Variants in CSMD1 observed in about 807,000 individuals in gnomAD.
The protein encoded by CSMD1 is CUB and sushi domain-containing protein 1.
Under a neutral mutation model 417.5 loss-of-function variants are expected in CSMD1, and 213 were observed. That is an observed-to-expected ratio of 0.51 (90% CI 0.46 to 0.57). The LOEUF (loss-of-function observed/expected upper bound fraction) is 0.57, where lower values mean the gene tolerates loss of function less well. CSMD1 is among the 20% of genes least tolerant of loss of function. CSMD1 has a pLI of 0.00. For synonymous variants in CSMD1, 2,862 were observed against 1,736.8 expected, an observed-to-expected ratio of 1.65 and a Z score of -16.11; for missense variants, 6,923 against 4,529.7, an observed-to-expected ratio of 1.53 and a Z score of -15.17.
intron 2 of CSMD1, among the ~76,000 whole-genome samples, chr8:4,628,560 T>A (rs186331648): frequency 1.3e-5 from 2 of 151,226 alleles, no homozygotes; most frequent in South Asian, 4.2e-4. Context: ...ACAGATGTAA[T>A]TCAGTGTAAG....
chr8:3,971,709 T>G (rs958882867), intron 5 of CSMD1, among the ~76,000 whole-genome samples: 1 of 152,298 alleles, frequency 6.6e-6, no homozygotes, highest in Middle Eastern at 3.4e-3. Context: ...TACGAGCCTC[T>G]TCCAGTGAGT....
chr8:4,823,377 G>GA (rs1023749594), intron 1 of CSMD1, among the ~76,000 whole-genome samples: 4 of 151,716 alleles, frequency 2.6e-5, no homozygotes, highest in Admixed American at 6.6e-5. Flanking sequence ...GTATGACTTT[G>GA]AAAAAAAATC....
chr8:4,325,354 A>G (rs1799501114), intron 3 of CSMD1, among the ~76,000 whole-genome samples: 1 of 152,110 alleles, frequency 6.6e-6, no homozygotes, highest in African/African-American at 2.4e-5. Flanking sequence ...TTGTCTAGGA[A>G]GTCTTAGATA....
At chr8:4,718,163 G>A (rs765587040) in intron 1 of CSMD1, among the ~76,000 whole-genome samples, 1 of 152,040 alleles carries the variant, frequency 6.6e-6, no homozygotes, top group African/African-American at 2.4e-5. Context: ...TTTTTGTACA[G>A]ACAGGGTCTA....
intron 3 of CSMD1, among the ~76,000 whole-genome samples, chr8:4,334,253 G>A (rs562220063): frequency 4.6e-5 from 7 of 152,048 alleles, no homozygotes; most frequent in African/African-American, 1.2e-4. Flanking sequence ...TGTATGATAA[G>A]GTGCTTAAAA....
chr8:4,466,979 C>G (rs889171348), intron 2 of CSMD1, among the ~76,000 whole-genome samples: 1 of 151,928 alleles, frequency 6.6e-6, no homozygotes, highest in African/African-American at 2.4e-5. Context: ...TAAGGAAATG[C>G]TCAGCTGTGG....
intron 1 of CSMD1, among the ~76,000 whole-genome samples, chr8:4,824,439 A>G (rs1799698014): frequency 6.6e-6 from 1 of 152,122 alleles, no homozygotes; most frequent in Non-Finnish European, 1.5e-5. Context: ...CGGGTAGAAA[A>G]ATTGTATAAT....
chr8:3,674,715 C>G (rs1052986183), intron 7 of CSMD1, among the ~76,000 whole-genome samples: 11 of 152,266 alleles, frequency 7.2e-5, no homozygotes, highest in Middle Eastern at 3.4e-3. Flanking sequence ...GAGCCCCAGT[C>G]TTGCTGATTC....
Position 3,018,494 on chromosome 8 carries a change from C to G in CSMD1, c.8012G>C (p.Ser2671Thr), listed in dbSNP as rs751168714. 13 of 1,613,244 alleles carry G rather than the reference C, an allele frequency of 8.1e-6. No individual in the cohort carries two copies. In the South Asian group the frequency reaches 1.4e-4, roughly 18 times the overall value. ...ECLANGLWSG[S>T]ETRCLAGHCG... ...GAATTTACCCAGACATCGAGTTTCG[C>G]TGCCGCTCCAGAGCCCATTTGCCAA... The change falls in exon 52 of 70, where the codon AGC becomes ACC. Residue 2671 changes from serine (S) to threonine (T), a missense_variant. By Grantham distance (58) the Ser-to-Thr change is moderately conservative. Coordinates refer to ENST00000635120, the MANE Select transcript of CSMD1 (RefSeq NM_033225.6).
chr8:3,783,899 T>G (rs1799311499), intron 5 of CSMD1, among the ~76,000 whole-genome samples: 1 of 114,602 alleles, frequency 8.7e-6, no homozygotes, highest in East Asian at 2.8e-4. Flanking sequence ...ATGGTTGTGG[T>G]GCAGGCTGGA....
intron 5 of CSMD1, among the ~76,000 whole-genome samples, chr8:3,759,239 C>T (rs1797850575): frequency 6.6e-6 from 1 of 152,030 alleles, no homozygotes; most frequent in African/African-American, 2.4e-5. Flanking sequence ...ACCATATCTC[C>T]ATAAAGTGGC....
chr8:3,965,018 G>T (rs1256675341), intron 5 of CSMD1, among the ~76,000 whole-genome samples: 1 of 152,162 alleles, frequency 6.6e-6, no homozygotes, highest in African/African-American at 2.4e-5. Flanking sequence ...TATAAAGTAG[G>T]TGATAGTTTC....
At chr8:4,238,517 C>T (rs1161170635) in intron 3 of CSMD1, among the ~76,000 whole-genome samples, 1 of 152,156 alleles carries the variant, frequency 6.6e-6, no homozygotes, top group Non-Finnish European at 1.5e-5. Flanking sequence ...GGCACAGGCC[C>T]CATGGTCAGA....
intron 1 of CSMD1, among the ~76,000 whole-genome samples, chr8:4,972,204 C>G (rs986370737): frequency 4.6e-5 from 7 of 152,040 alleles, no homozygotes; most frequent in Non-Finnish European, 1.5e-5. Context: ...GCTTAGTACA[C>G]AAAGATGGAA....
intron 29 of CSMD1, among the ~76,000 whole-genome samples, chr8:3,218,218 C>A (rs1244017023): frequency 6.6e-6 from 1 of 152,136 alleles, no homozygotes; most frequent in Non-Finnish European, 1.5e-5. Flanking sequence ...CCATAGCTGA[C>A]TGAGGCAGGG....
chr8:4,456,013 A>C (rs1585106781), intron 2 of CSMD1, among the ~76,000 whole-genome samples: 1 of 139,990 alleles, frequency 7.1e-6, no homozygotes, highest in African/African-American at 2.6e-5. Flanking sequence ...TCTTCTCCTT[A>C]ACACAGTCCA....
At chr8:4,882,381 G>C (rs1455222083) in intron 1 of CSMD1, among the ~76,000 whole-genome samples, 2 of 151,778 alleles carry the variant, frequency 1.3e-5, no homozygotes, top group Non-Finnish European at 2.9e-5. Flanking sequence ...GAGGGAAATT[G>C]AAGAGTATTG....
At chr8:4,411,818 C>G (rs1054278104) in intron 3 of CSMD1, among the ~76,000 whole-genome samples, 2 of 152,170 alleles carry the variant, frequency 1.3e-5, no homozygotes, top group Admixed American at 1.3e-4. Context: ...CATAGCTATG[C>G]AAATACTTTT....
In CSMD1 at chr8:4,755,305, C is replaced by G. The variant is rs532316804; in HGVS notation, c.86-117747G>C. Among the ~76,000 whole-genome samples, 26 of 152,234 alleles carry G rather than the reference C, an allele frequency of 1.7e-4. No individual in the cohort carries two copies. In the East Asian group the frequency reaches 4.1e-3, roughly 24 times the overall value. On this transcript the variant is annotated intron_variant, in intron 1 of 69. Coordinates refer to ENST00000635120, the MANE Select transcript of CSMD1 (RefSeq NM_033225.6). ...CTTGGAAATATTTTCTTCTTTATAGCACTTGACAATCTTATGTTCACTTTT... is the reference window on the plus strand; with the variant it reads ...CTTGGAAATATTTTCTTCTTTATAGGACTTGACAATCTTATGTTCACTTTT...
Sources: allele counts gnomAD v4.1 joint callset (sites outside exome capture counted in the v4.1 genomes callset), GRCh38; gene constraint gnomAD v4.1.1; transcripts MANE v1.5; gene names NCBI Gene and HGNC (gene_info 2026-07-23, HGNC 2026-07-21).